Variants in NCF4 observed in about 807,000 individuals in gnomAD.
The protein encoded by NCF4 is neutrophil cytosolic factor 4.
A neutral mutation model predicts 41.7 loss-of-function variants in NCF4; 30 were observed. The observed-to-expected ratio is 0.72, with a 90% CI of 0.54 to 0.97. The LOEUF is 0.97. Among genes scored for constraint, NCF4 ranks in the 50% least tolerant of loss-of-function variants. NCF4 has a pLI of 0.00. For synonymous variants in NCF4, 195 were observed against 175.8 expected (o/e 1.11, Z -0.87); for missense variants, 432 against 460.9 (o/e 0.94, Z 0.57).
rs1939886800 is a variant in NCF4 at position 36,864,914 on chromosome 22, C to T, written c.118-5C>T. On this transcript the variant is annotated splice_polypyrimidine_tract_variant and splice_region_variant and intron_variant, in intron 2 of 9. Coordinates refer to ENST00000248899, the MANE Select transcript of NCF4 (RefSeq NM_000631.5). ...AGCCCTCCCCACAACCTCTGTCCTC[C>T]TTAGGTTTTCGTCATCGAGGTGAAG... The T allele has an allele frequency of 1.2e-6, 2 of 1,613,892 alleles. No homozygotes were observed. The highest frequency in any genetic ancestry group is 1.7e-6 in the Non-Finnish European group (2 of 1,180,022).
At chr22:36,862,333 C>T (rs34730019) in intron 1 of NCF4, among the ~76,000 whole-genome samples, 4,540 of 152,270 alleles carry the variant, frequency 0.03, 238 homozygotes, top group African/African-American at 0.1. Flanking sequence ...AAGCAAATGC[C>T]TACAGGGGAG....
At position 36,865,477 on chromosome 22, in the gene NCF4, T is replaced by C. The variant is rs774280974; in HGVS notation, c.271+405T>C. Among the ~76,000 whole-genome samples, 15 of 152,144 alleles carry C rather than the reference T, an allele frequency of 9.9e-5. No individual in the cohort carries two copies. The highest frequency in any genetic ancestry group is 1.6e-4 in the Non-Finnish European group (11 of 68,018). ...CCTCCCACGAGACCAGCCCTCTGAC[T>C]TCATGGTCTTGGCTTCCAGCGTCCC... On this transcript the variant is annotated intron_variant, in intron 3 of 9. Transcript: ENST00000248899. This position sits in a 1 kb window ranked among gnomAD's most constrained non-coding sequence, Gnocchi z 4.3.
chr22:36,864,191 A>G, intron 2 of NCF4, 62 bp downstream of exon 2: 2 of 1,320,310 alleles, frequency 1.5e-6, no homozygotes. Flanking sequence ...CTGACCTCTG[A>G]ACCTTGCCCT....
intron 2 of NCF4, among the ~76,000 whole-genome samples, chr22:36,864,411 C>T (rs1233387639): frequency 7.2e-5 from 11 of 152,150 alleles, no homozygotes; most frequent in African/African-American, 1.4e-4. Flanking sequence ...AAGAACTGTC[C>T]GGCCCCAGCA....
chr22:36,875,439 T>TA (rs1940170484), intron 7 of NCF4, among the ~76,000 whole-genome samples: 1 of 152,224 alleles, frequency 6.6e-6, no homozygotes, highest in South Asian at 2.1e-4. Context: ...GCTTTCTATA[T>TA]AAATCCAGAT....
At position 36,865,688 on chromosome 22, in the gene NCF4, A is replaced by T. The variant is rs527821424; in HGVS notation, c.271+616A>T. 6.6e-6 allele frequency among the ~76,000 whole-genome samples: 1 copy of T among 152,152 alleles called. No homozygotes were observed. The highest frequency in any genetic ancestry group is 1.9e-4 in the East Asian group (1 of 5,162). On this transcript the variant is annotated intron_variant, in intron 3 of 9. Coordinates refer to ENST00000248899, the MANE Select transcript of NCF4 (RefSeq NM_000631.5). The surrounding 1 kb of genome is among the most constrained non-coding windows in gnomAD (Gnocchi z 4.3). ...CCCCGCAGGAGGAAACCCCATCACG[A>T]ATGGGTTACACGGGGGTGGTCTCAG...
At chr22:36,873,429 G>A (rs923870863) in intron 7 of NCF4, among the ~76,000 whole-genome samples, 1 of 151,286 alleles carries the variant, frequency 6.6e-6, no homozygotes, top group Admixed American at 6.6e-5. Context: ...TGAGGCTGGA[G>A]GTGAGGTTGC....
chr22:36,867,588 T>A, intron 4 of NCF4, 126 bp downstream of exon 4: 1 of 995,294 alleles, frequency 1.0e-6, no homozygotes, highest in Non-Finnish European at 1.6e-6. Context: ...TGGCCCCATC[T>A]TCAATCCCTA....
rs1266628138 is a variant in NCF4 at position 36,870,561 on chromosome 22, G to C, written c.470+19G>C. The C allele has an allele frequency of 1.2e-6, 2 of 1,608,992 alleles. No individual in the cohort carries two copies. Among genetic ancestry groups the C allele is most frequent in the African/African-American group, 2.7e-5 (2 of 74,910 alleles). ...GGAAAGTGTAAGTGACCAGCCCCTG[G>C]GCTTCCACATGGCCAGAGCCCTGGG... On this transcript the variant is annotated intron_variant, in intron 5 of 9. Coordinates refer to ENST00000248899, the MANE Select transcript of NCF4 (RefSeq NM_000631.5).
intron 6 of NCF4, 111 bp downstream of exon 6, chr22:36,871,820 T>C: frequency 7.8e-7 from 1 of 1,276,300 alleles, no homozygotes; most frequent in Non-Finnish European, 1.1e-6. Flanking sequence ...CCTGGGACAG[T>C]GCTGGGCACC....
chr22:36,877,588 C>A, intron 9 of NCF4, 40 bp from the exon 10 acceptor site: 1 of 1,609,202 alleles, frequency 6.2e-7, no homozygotes, highest in Non-Finnish European at 8.5e-7. Flanking sequence ...CCCTACCTTA[C>A]GCTTAGGCCC....
chr22:36,877,041 T>A (rs1238866213), intron 9 of NCF4, among the ~76,000 whole-genome samples: 1 of 151,806 alleles, frequency 6.6e-6, no homozygotes, highest in Non-Finnish European at 1.5e-5. Context: ...CTGTGCCCAG[T>A]CAAACCCACT....
chr22:36,867,326 G>T, intron 3 of NCF4, 66 bp from the exon 4 acceptor site: 1 of 1,563,192 alleles, frequency 6.4e-7, no homozygotes, highest in East Asian at 2.3e-5. Flanking sequence ...TGGCCTGTAG[G>T]GGCAGCCCTG....
chr22:36,863,912 C>A, intron 1 of NCF4, 133 bp from the exon 2 acceptor site: 1 of 853,240 alleles, frequency 1.2e-6, no homozygotes, highest in Non-Finnish European at 2.0e-6. Context: ...CTGGACCTGG[C>A]CTGGGAAGGG....
chr22:36,877,381 C>G (rs1368165106), intron 9 of NCF4, among the ~76,000 whole-genome samples: 7 of 152,136 alleles, frequency 4.6e-5, no homozygotes. Flanking sequence ...AGGTAATCTG[C>G]CTGCCTCGGC....
rs1159819184 is a variant in NCF4, at chr22:36,865,186, T to C, written c.271+114T>C. On this transcript the variant is annotated intron_variant, in intron 3 of 9. Transcript: ENST00000248899. This position sits in a 1 kb window ranked among gnomAD's most constrained non-coding sequence, Gnocchi z 4.3. Reference sequence around the variant, plus strand: ...ACCCCAGTGAAAACTGTTCATGTAGTTTATAGCCCCCACTCCCGGCAGTTA... The same window carrying C: ...ACCCCAGTGAAAACTGTTCATGTAGCTTATAGCCCCCACTCCCGGCAGTTA... 8 of 1,462,242 alleles carry C rather than the reference T, an allele frequency of 5.5e-6. No homozygotes were observed. The highest frequency in any genetic ancestry group is 2.4e-4 in the Middle Eastern group (1 of 4,224). 90.6% of individuals were successfully genotyped at this position (1,462,242 alleles called of 1,614,324 possible).
chr22:36,866,879 T>C (rs548079724), intron 3 of NCF4, among the ~76,000 whole-genome samples: 25 of 152,336 alleles, frequency 1.6e-4, no homozygotes, highest in African/African-American at 5.8e-4. Context: ...CCCATGGTTC[T>C]TAACTTTGGT....
At chr22:36,876,176 G>C (rs745610685) in intron 9 of NCF4, 82 bp downstream of exon 9, 72 of 1,339,162 alleles carry the variant, frequency 5.4e-5, no homozygotes, top group Non-Finnish European at 7.0e-5. Flanking sequence ...CTAGTATTAA[G>C]GTGCTGGGGT....
intron 4 of NCF4, among the ~76,000 whole-genome samples, chr22:36,869,669 T>C (rs981681999): frequency 7.2e-5 from 11 of 152,170 alleles, no homozygotes; most frequent in Non-Finnish European, 1.5e-4. Context: ...CGCCAGGCTC[T>C]GGGTGCTCGC....
Sources: allele counts gnomAD v4.1 joint callset (sites outside exome capture counted in the v4.1 genomes callset), GRCh38; gene constraint gnomAD v4.1.1; non-coding constraint Gnocchi (gnomAD v3.1); transcripts MANE v1.5; gene names NCBI Gene and HGNC (gene_info 2026-07-23, HGNC 2026-07-21).